ANTXR1: variants seen among roughly 807,000 people sequenced by gnomAD.
The protein encoded by ANTXR1 is anthrax toxin receptor 1.
In ANTXR1, 19 loss-of-function variants were observed where a neutral mutation model predicts 78.1. The observed-to-expected ratio is 0.24, with a 90% CI of 0.17 to 0.36. The LOEUF (loss-of-function observed/expected upper bound fraction) is 0.36. Among genes scored for constraint, ANTXR1 ranks in the 10% least tolerant of loss-of-function variants. ANTXR1 has a pLI of 1.00. For missense variants in ANTXR1, 518 were observed against 718.6 expected (o/e 0.72, Z 3.19); for synonymous variants, 273 against 260.5 (o/e 1.05, Z -0.46).
At chr2:69,204,109 G>A (rs903344989) in intron 17 of ANTXR1, among the ~76,000 whole-genome samples, 8 of 152,078 alleles carry the variant, frequency 5.3e-5, no homozygotes, top group East Asian at 1.9e-4. Context: ...TGGCTTCTGC[G>A]GGCCTGCTCC....
intron 5 of ANTXR1, 70 bp downstream of exon 5, chr2:69,071,857 T>C: frequency 7.4e-7 from 1 of 1,352,550 alleles, no homozygotes; most frequent in Non-Finnish European, 1.1e-6. Flanking sequence ...GAAAAAGTGC[T>C]TCAGTCATTT....
At chr2:69,184,780 C>T (rs952889046) in intron 16 of ANTXR1, among the ~76,000 whole-genome samples, 1 of 152,186 alleles carries the variant, frequency 6.6e-6, no homozygotes, top group African/African-American at 2.4e-5. Flanking sequence ...TGTGCAGCTA[C>T]TGTGTGCCAG....
intron 9 of ANTXR1, among the ~76,000 whole-genome samples, chr2:69,095,912 T>C (rs1671383473): frequency 6.6e-6 from 1 of 152,148 alleles, no homozygotes; most frequent in East Asian, 1.9e-4. Flanking sequence ...CATTTTTAAC[T>C]GGAACTCTTA....
chr2:69,184,690 T>G (rs1674377973), intron 16 of ANTXR1, among the ~76,000 whole-genome samples: 1 of 152,170 alleles, frequency 6.6e-6, no homozygotes, highest in South Asian at 2.1e-4. Flanking sequence ...GATAAATAAG[T>G]ATATGGGCCA....
At chr2:69,066,265 A>G (rs746266663) in intron 3 of ANTXR1, among the ~76,000 whole-genome samples, 93 of 151,976 alleles carry the variant, frequency 6.1e-4, no homozygotes, top group Non-Finnish European at 1.2e-3. Context: ...TTGACATTCT[A>G]TGTGTGTCCA....
Position 69,248,299 on chromosome 2 carries a change from A to G in ANTXR1, c.*2814A>G, listed in dbSNP as rs1558675479. 1 of 166,880 alleles carries G rather than the reference A, an allele frequency of 6.0e-6. No individual in the cohort carries two copies. The highest frequency in any genetic ancestry group is 6.5e-5 in the Admixed American group (1 of 15,298). 10.3% of individuals were successfully genotyped at this position (166,880 alleles called of 1,614,324 possible). A position where few individuals can be genotyped will look rare whatever the true frequency, so the allele number is the denominator to read the frequency against. On this transcript the variant is annotated 3_prime_UTR_variant, in exon 18 of 18. Coordinates refer to ENST00000303714, the MANE Select transcript of ANTXR1 (RefSeq NM_032208.3). The stretch of plus-strand genomic sequence containing the variant: ...AGCATTTCCTATCCAGTGTGAATAA[A>G]AAGAACAGTTGTAGTAAATTATTAT...
chr2:69,063,932 A>G (rs1670319044), intron 3 of ANTXR1, among the ~76,000 whole-genome samples: 1 of 151,968 alleles, frequency 6.6e-6, no homozygotes, highest in Admixed American at 6.6e-5. Context: ...TTTAAAAGCT[A>G]ATAGATGATA....
At chr2:69,193,454 C>CTT in intron 17 of ANTXR1, 39 bp downstream of exon 17, 2 of 1,325,268 alleles carry the variant, frequency 1.5e-6, no homozygotes, top group African/African-American at 3.7e-5. Context: ...CTCTCTCTCT[C>CTT]TCTCTCACAT....
At chr2:69,109,918 TAACA>T (rs1255426838) in intron 10 of ANTXR1, among the ~76,000 whole-genome samples, 2 of 152,102 alleles carry the variant, frequency 1.3e-5, no homozygotes, top group Admixed American at 6.6e-5. Context: ...ATAGGATATA[TAACA>T]AACATAGGGT....
intron 12 of ANTXR1, among the ~76,000 whole-genome samples, chr2:69,128,077 A>G (rs946558434): frequency 6.6e-6 from 1 of 152,150 alleles, no homozygotes; most frequent in Non-Finnish European, 1.5e-5. Flanking sequence ...TACAAAAATT[A>G]GCCTGGCATG....
chr2:69,175,404 CGAGACCAGCCTGGGTAACATAGG>C (rs199557427), intron 14 of ANTXR1, among the ~76,000 whole-genome samples: 9,431 of 152,014 alleles, frequency 0.062, 965 homozygotes, highest in African/African-American at 0.22. Flanking sequence ...GCCAGGAGTT[CGAGACCAGCCTGGGTAACATAGG>C]GAGACCGCCC....
intron 1 of ANTXR1, among the ~76,000 whole-genome samples, chr2:69,017,352 C>T (rs1054178030): frequency 3.9e-4 from 60 of 152,262 alleles, no homozygotes; most frequent in African/African-American, 1.4e-3. Context: ...GATCCTTTCG[C>T]TGGCAAGACA....
intron 11 of ANTXR1, among the ~76,000 whole-genome samples, chr2:69,123,338 G>T (rs536023905): frequency 1.3e-5 from 2 of 152,302 alleles, no homozygotes; most frequent in East Asian, 3.9e-4. Flanking sequence ...AGAGACTGTG[G>T]CTGCAAGACT....
intron 14 of ANTXR1, chr2:69,172,345 CCTT>C (rs769064529): frequency 1.2e-6 from 2 of 1,605,730 alleles, no homozygotes; most frequent in South Asian, 2.2e-5. Context: ...CACCTAATCT[CCTT>C]CCTAATGTAT....
At position 69,073,409 on chromosome 2, in the gene ANTXR1, C is replaced by A. The variant is rs529509144; in HGVS notation, c.492+308C>A. On this transcript the variant is annotated intron_variant, in intron 6 of 17. Coordinates refer to ENST00000303714, the MANE Select transcript of ANTXR1 (RefSeq NM_032208.3). ...CTAACAGTTTTTAAATACTGTATAT[C>A]ACTTGTAAACAAATAAACATTGATA... 5.9e-5 allele frequency among the ~76,000 whole-genome samples: 9 copies of A among 152,228 alleles called. No individual in the cohort carries two copies. In the East Asian group the frequency reaches 1.7e-3, roughly 29 times the overall value.
chr2:69,035,196 A>G (rs1671645428), intron 1 of ANTXR1, among the ~76,000 whole-genome samples: 1 of 152,110 alleles, frequency 6.6e-6, no homozygotes, highest in Non-Finnish European at 1.5e-5. Flanking sequence ...CCCAGTGGTC[A>G]TGGATAGGAA....
chr2:69,076,682 C>T (rs1420932906), intron 7 of ANTXR1, among the ~76,000 whole-genome samples: 5 of 152,198 alleles, frequency 3.3e-5, no homozygotes, highest in African/African-American at 1.2e-4. Context: ...TTATGAGTAA[C>T]GTTTGTTTTC....
In ANTXR1 at chr2:69,013,417, C is replaced by G. The variant is rs1009471889; in HGVS notation, c.-83C>G. 3.2e-6 allele frequency: 5 copies of G among 1,551,236 alleles called. No individual in the cohort carries two copies. The highest frequency in any genetic ancestry group is 1.3e-5 in the African/African-American group (1 of 74,086). ...AATAAAGGACCCGCGAGGAAGGGCCCGCGGATGGCGCGTCCCTGAGGGTCG... is the reference window on the plus strand; with the variant it reads ...AATAAAGGACCCGCGAGGAAGGGCCGGCGGATGGCGCGTCCCTGAGGGTCG... On this transcript the variant is annotated 5_prime_UTR_variant, in exon 1 of 18. Coordinates refer to ENST00000303714, the MANE Select transcript of ANTXR1 (RefSeq NM_032208.3). This position sits in a 1 kb window ranked among gnomAD's most constrained non-coding sequence, Gnocchi z 5.0.
At chr2:69,052,939 T>C (rs1669966245) in intron 3 of ANTXR1, among the ~76,000 whole-genome samples, 1 of 152,204 alleles carries the variant, frequency 6.6e-6, no homozygotes, top group Non-Finnish European at 1.5e-5. Flanking sequence ...TTCATCCCTA[T>C]GAATACTTTC....
Sources: allele counts gnomAD v4.1 joint callset (sites outside exome capture counted in the v4.1 genomes callset), GRCh38; gene constraint gnomAD v4.1.1; non-coding constraint Gnocchi (gnomAD v3.1); transcripts MANE v1.5; gene names NCBI Gene and HGNC (gene_info 2026-07-23, HGNC 2026-07-21).